TAF5L: variants seen among roughly 807,000 people sequenced by gnomAD.
The protein encoded by TAF5L is TATA-box binding protein associated factor 5 like.
In TAF5L, 7 loss-of-function variants were observed where a neutral mutation model predicts 51.3. The ratio of observed to expected loss-of-function variants is 0.14; its 90% CI spans 0.08 to 0.26. TAF5L has a LOEUF of 0.26. Ranked by LOEUF, TAF5L falls within the 10% of genes least tolerant of loss-of-function variation. The probability of loss-of-function intolerance (pLI) is 1.00; values close to 1 mark genes in which losing one functional copy is unlikely to be tolerated. For missense variants in TAF5L, 575 were observed against 758.9 expected (o/e 0.76, Z 2.85); for synonymous variants, 291 against 308.1 (o/e 0.94, Z 0.58).
intron 4 of TAF5L, among the ~76,000 whole-genome samples, chr1:229,598,690 C>CT (rs71563413): frequency 3.3e-3 from 461 of 141,380 alleles, no homozygotes; most frequent in African/African-American, 5.9e-3. Flanking sequence ...TTGGATATCT[C>CT]TTTTTTTTTT....
Position 229,594,107 on chromosome 1 carries a change from T to C in TAF5L, c.*190A>G, listed in dbSNP as rs538972188. On this transcript the variant is annotated 3_prime_UTR_variant, in exon 5 of 5. Transcript: ENST00000258281. This position sits in a 1 kb window ranked among gnomAD's most constrained non-coding sequence, Gnocchi z 7.9. The stretch of plus-strand genomic sequence containing the variant: ...TGATCACTCATCATTGCCTCTCTCC[T>C]GTTCCCCTCCCCAACCTTGGCCTTC... 1.7e-5 allele frequency: 11 copies of C among 629,918 alleles called. 1 individual carries two copies. The highest frequency in any genetic ancestry group is 8.9e-4 in the Middle Eastern group (2 of 2,240). 39.0% of individuals were successfully genotyped at this position (629,918 alleles called of 1,614,324 possible).
rs573178949 is a variant in TAF5L, at chr1:229,595,754, C to A, written c.973-660G>T. ...GATCTCGGCTCACCACAACCTCCGACTCCTGGGGTCAAGCGATTCTCCTGC... is the reference window on the plus strand; with the variant it reads ...GATCTCGGCTCACCACAACCTCCGAATCCTGGGGTCAAGCGATTCTCCTGC... On this transcript the variant is annotated intron_variant, in intron 4 of 4. Transcript: ENST00000258281. Among the ~76,000 whole-genome samples the A allele has an allele frequency of 5.0e-4, 76 of 151,764 alleles. 2 individuals are homozygous for A. The South Asian group carries it at 0.015, about 31-fold the overall frequency.
At chr1:229,604,988 A>T (rs1185983184) in intron 3 of TAF5L, among the ~76,000 whole-genome samples, 2 of 152,094 alleles carry the variant, frequency 1.3e-5, no homozygotes, top group Non-Finnish European at 2.9e-5. Flanking sequence ...CCCAGGCTGG[A>T]GTACAGTGGC....
intron 2 of TAF5L, among the ~76,000 whole-genome samples, chr1:229,613,557 T>C (rs1336146942): frequency 6.6e-6 from 1 of 152,172 alleles, no homozygotes; most frequent in East Asian, 1.9e-4. Flanking sequence ...CTGAATACTA[T>C]GATGAATCCA....
chr1:229,608,388 ACT>A (rs1396694365), intron 3 of TAF5L, among the ~76,000 whole-genome samples: 3 of 152,084 alleles, frequency 2.0e-5, no homozygotes, highest in Non-Finnish European at 2.9e-5. Context: ...TAGTAAAATG[ACT>A]CTATTATGTT....
At chr1:229,596,576 G>A (rs531649559) in intron 4 of TAF5L, among the ~76,000 whole-genome samples, 1 of 152,290 alleles carries the variant, frequency 6.6e-6, no homozygotes, top group South Asian at 2.1e-4. Flanking sequence ...GTGATTCTTC[G>A]AAATAATTTC....
intron 4 of TAF5L, among the ~76,000 whole-genome samples, chr1:229,595,326 T>C (rs1036723243): frequency 2.6e-5 from 4 of 152,216 alleles, no homozygotes; most frequent in Admixed American, 2.0e-4. Flanking sequence ...AAATTCACCT[T>C]GCAGCTCAGA....
At chr1:229,596,947 T>C (rs985716116) in intron 4 of TAF5L, among the ~76,000 whole-genome samples, 3 of 152,180 alleles carry the variant, frequency 2.0e-5, no homozygotes, top group Admixed American at 6.5e-5. Context: ...TAAGAAAAAG[T>C]TGAGAGAAAA....
chr1:229,601,973 A>C (rs1201080326), intron 4 of TAF5L: 2 of 1,375,212 alleles, frequency 1.5e-6, no homozygotes, highest in Non-Finnish European at 1.9e-6. Context: ...ATAAATACTG[A>C]CCATTCATTA....
intron 2 of TAF5L, among the ~76,000 whole-genome samples, chr1:229,612,553 T>C (rs1329274953): frequency 6.6e-6 from 1 of 152,196 alleles, no homozygotes; most frequent in Non-Finnish European, 1.5e-5. Context: ...CAAGGGTATC[T>C]CTGAGGAGTT....
chr1:229,626,070 C>CGGGCCGCGGGCT (rs1571861950), upstream of TAF5L: 1 of 151,558 alleles, frequency 6.6e-6, no homozygotes, highest in East Asian at 2.0e-4. Flanking sequence ...TGACACGGAG[C>CGGGCCGCGGGCT]GGGCCGCGGG....
rs186597356 is a variant in TAF5L at position 229,614,687 on chromosome 1, T to C, written c.-3-202A>G. 2.9e-4 allele frequency among the ~76,000 whole-genome samples: 44 copies of C among 152,312 alleles called. 1 individual carries two copies. Among genetic ancestry groups the C allele is most frequent in the Admixed American group, 2.5e-3 (38 of 15,308 alleles). The stretch of plus-strand genomic sequence containing the variant: ...ATTTTGTCTGTTTCTCCAATGACAA[T>C]ACAGCCAACTTCAATTACAGAAAAT... On this transcript the variant is annotated intron_variant, in intron 1 of 4. Transcript: ENST00000258281.
Position 229,602,831 on chromosome 1 carries a change from C to A in TAF5L, c.336G>T (p.Pro112=). ...TGTAAAAACTTTCCACTGTGCTCTT[C>A]GGACTGTTTTGGACCAGGTTGAGAT... Residue 112 remains proline, a synonymous_variant, in exon 4 of 5, where the codon CCG becomes CCT. Transcript: ENST00000258281. This position sits in a 1 kb window ranked among gnomAD's most constrained non-coding sequence, Gnocchi z 4.6. 8 of 1,612,762 alleles carry A rather than the reference C, an allele frequency of 5.0e-6. No individual in the cohort carries two copies. Among genetic ancestry groups the A allele is most frequent in the Non-Finnish European group, 6.8e-6 (8 of 1,180,004 alleles).
intron 1 of TAF5L, among the ~76,000 whole-genome samples, chr1:229,618,960 C>T (rs540677947): frequency 6.6e-6 from 1 of 152,348 alleles, no homozygotes; most frequent in Admixed American, 6.5e-5. Flanking sequence ...AAACTCACTA[C>T]ACAATCCTCA....
chr1:229,625,634 C>T lies in TAF5L; in HGVS notation c.-4+251G>A, dbSNP rs1435284499. ...AACGCGACGCCAGTCCAGGTGTAGC[C>T]GCCGACTGCAGGCCACGCCGCCGGC... On this transcript the variant is annotated intron_variant, in intron 1 of 4. Coordinates refer to ENST00000258281, the Ensembl canonical transcript of TAF5L. This position sits in a 1 kb window ranked among gnomAD's most constrained non-coding sequence, Gnocchi z 4.0. Among the ~76,000 whole-genome samples the T allele has an allele frequency of 6.6e-6, 1 of 151,368 alleles. No homozygotes were observed. Among genetic ancestry groups the T allele is most frequent in the Non-Finnish European group, 1.5e-5 (1 of 67,744 alleles).
chr1:229,602,225 G>C lies in TAF5L; in HGVS notation c.942C>G (p.Ile314Met). The change falls in exon 4 of 5, where the codon ATC (isoleucine) becomes ATG (methionine). Residue 314 changes from isoleucine to methionine, a missense_variant. By Grantham distance (10) the Ile-to-Met change is conservative. Around this residue, in one of 3 missense-constraint regions of TAF5L, gnomAD observed 380 missense variants for 443.7 expected, o/e 0.86. Transcript: ENST00000258281. The surrounding 1 kb of genome is among the most constrained non-coding windows in gnomAD (Gnocchi z 4.6). ...CCTCCAGAATATCACAAGCCAAATG[G>C]ATGCGGGACACGTCTACTTGGTGGG... The C allele has an allele frequency of 1.2e-6, 2 of 1,613,952 alleles. No individual in the cohort carries two copies. The highest frequency in any genetic ancestry group is 1.7e-6 in the Non-Finnish European group (2 of 1,179,864).
intron 3 of TAF5L, among the ~76,000 whole-genome samples, chr1:229,605,108 G>GTACATATATA (rs751531853): frequency 8.4e-6 from 1 of 118,622 alleles, no homozygotes; most frequent in African/African-American, 2.9e-5. Flanking sequence ...ATTTTTGTAT[G>GTACATATATA]TATATATATA....
chr1:229,599,325 AGT>A, intron 4 of TAF5L: 1 of 476,576 alleles, frequency 2.1e-6, no homozygotes, highest in Non-Finnish European at 2.7e-6. Context: ...ATTCTTTCAA[AGT>A]GTACAATTCA....
intron 2 of TAF5L, among the ~76,000 whole-genome samples, chr1:229,611,104 C>A (rs1232092168): frequency 6.6e-6 from 1 of 152,010 alleles, no homozygotes; most frequent in Non-Finnish European, 1.5e-5. Context: ...TTTCGTCTTT[C>A]TTCTTGGGCA....
Sources: allele counts gnomAD v4.1 joint callset (sites outside exome capture counted in the v4.1 genomes callset), GRCh38; gene constraint gnomAD v4.1.1; regional missense constraint gnomAD v4.1.1; non-coding constraint Gnocchi (gnomAD v3.1); transcripts MANE v1.5; gene names NCBI Gene and HGNC (gene_info 2026-07-23, HGNC 2026-07-21).